The following CDH18 variants were observed in gnomAD, a reference collection of about 807,000 sequenced individuals.
CDH18 encodes cadherin 18.
CDH18 carries 31 observed loss-of-function variants against 67.9 expected under a neutral mutation model. The ratio of observed to expected loss-of-function variants is 0.46; its 90% confidence interval spans 0.34 to 0.62. CDH18 has a LOEUF of 0.62. CDH18 is among the 20% of genes least tolerant of loss of function. The pLI is 0.01. For synonymous variants in CDH18, 362 were observed against 347.2 expected (o/e 1.04, Z -0.48); for missense variants, 890 against 975.5 (o/e 0.91, Z 1.17).
chr5:20,088,216 T>C (rs1745135851), intron 2 of CDH18, among the ~76,000 whole-genome samples: 1 of 152,220 alleles, frequency 6.6e-6, no homozygotes, highest in South Asian at 2.1e-4. Context: ...TGCCAGCCAC[T>C]ATACTTGGTA....
At chr5:19,772,276 C>T (rs1465283544) in intron 3 of CDH18, among the ~76,000 whole-genome samples, 1 of 152,090 alleles carries the variant, frequency 6.6e-6, no homozygotes, top group Non-Finnish European at 1.5e-5. Context: ...GGAGAATAGG[C>T]TTTGCTGATG....
intron 2 of CDH18, among the ~76,000 whole-genome samples, chr5:20,023,446 T>G (rs962593589): frequency 1.3e-5 from 2 of 151,988 alleles, no homozygotes. Context: ...GATCACCAGG[T>G]CAGGAGATCG....
chr5:20,336,525 A>G (rs1167723216), intron 1 of CDH18, among the ~76,000 whole-genome samples: 2 of 151,998 alleles, frequency 1.3e-5, no homozygotes, highest in East Asian at 3.9e-4. Context: ...GATCAAGACC[A>G]TCCTGGCTAA....
intron 3 of CDH18, among the ~76,000 whole-genome samples, chr5:19,807,554 T>C (rs1295397760): frequency 2.6e-5 from 4 of 152,178 alleles, no homozygotes; most frequent in African/African-American, 9.6e-5. Flanking sequence ...TGTAGTTTTC[T>C]CTCTCTCCTC....
intron 2 of CDH18, among the ~76,000 whole-genome samples, chr5:20,089,955 A>G (rs1160241107): frequency 6.6e-6 from 1 of 152,182 alleles, no homozygotes; most frequent in Non-Finnish European, 1.5e-5. Context: ...AACCTGATAC[A>G]TCTAAGCTTT....
intron 1 of CDH18, among the ~76,000 whole-genome samples, chr5:20,555,429 T>C (rs1432963467): frequency 1.9e-4 from 4 of 21,408 alleles, no homozygotes; most frequent in Non-Finnish European, 3.4e-4. Flanking sequence ...TTTTTTTTTT[T>C]TTTTTTTTTT....
intron 1 of CDH18, among the ~76,000 whole-genome samples, chr5:20,489,312 C>T (rs1003319292): frequency 6.6e-6 from 1 of 152,038 alleles, no homozygotes; most frequent in Non-Finnish European, 1.5e-5. Context: ...GACAATAATA[C>T]TACATGTATT....
chr5:19,950,618 A>G (rs2150261680), intron 2 of CDH18, among the ~76,000 whole-genome samples: 1 of 152,290 alleles, frequency 6.6e-6, no homozygotes, highest in African/African-American at 2.4e-5. Context: ...AATATTTTGA[A>G]CCAAATTTTG....
chr5:19,600,065 G>A (rs2150061925), intron 6 of CDH18, among the ~76,000 whole-genome samples: 3 of 152,132 alleles, frequency 2.0e-5, no homozygotes, highest in Middle Eastern at 6.8e-3. Flanking sequence ...TATGGATGAA[G>A]CTGGAAACCA....
intron 2 of CDH18, among the ~76,000 whole-genome samples, chr5:19,964,936 G>A (rs1797281984): frequency 6.6e-6 from 1 of 152,018 alleles, no homozygotes; most frequent in Admixed American, 6.6e-5. Context: ...GCATGATATT[G>A]AAATACTTAA....
chr5:20,404,426 A>G (rs1746048035), intron 1 of CDH18, among the ~76,000 whole-genome samples: 1 of 152,080 alleles, frequency 6.6e-6, no homozygotes, highest in South Asian at 2.1e-4. Flanking sequence ...CCAGCTTGCA[A>G]TTTAAAGACA....
At chr5:20,564,413 G>A (rs1581207455) in intron 1 of CDH18, among the ~76,000 whole-genome samples, 1 of 151,858 alleles carries the variant, frequency 6.6e-6, no homozygotes, top group Non-Finnish European at 1.5e-5. Context: ...GAGTATCTGG[G>A]ACTACAGGCA....
intron 1 of CDH18, among the ~76,000 whole-genome samples, chr5:20,311,660 G>A (rs949563365): frequency 1.1e-4 from 16 of 152,084 alleles, no homozygotes; most frequent in African/African-American, 2.7e-4. Context: ...GGGGGACTAC[G>A]AGAGGGATAG....
chr5:20,107,140 GC>G (rs1321626205), intron 2 of CDH18, among the ~76,000 whole-genome samples: 1 of 151,256 alleles, frequency 6.6e-6, no homozygotes, highest in African/African-American at 2.4e-5. Context: ...GAGTGCAGTG[GC>G]GAGATCTCCT....
rs187651367 is a variant in CDH18 at position 19,998,486 on chromosome 5, T to A, written c.-517-6472A>T. Among the ~76,000 whole-genome samples the A allele has an allele frequency of 3.0e-3, 454 of 152,280 alleles. 3 individuals are homozygous for A. The highest frequency in any genetic ancestry group is 0.01 in the African/African-American group (425 of 41,570). ...GATAATAAATTGATTTGAGGTCACA[T>A]TGACTTTGATAGGACCATTAGATAT... On this transcript the variant is annotated intron_variant, in intron 2 of 14. Transcript: ENST00000507958.
intron 2 of CDH18, among the ~76,000 whole-genome samples, chr5:20,075,294 G>A (rs1160041289): frequency 1.3e-5 from 2 of 152,250 alleles, no homozygotes; most frequent in East Asian, 3.9e-4. Flanking sequence ...CACGAGGTCA[G>A]GAGATCGAGA....
chr5:20,351,160 TTG>T (rs375375615), intron 1 of CDH18, among the ~76,000 whole-genome samples: 3,826 of 131,888 alleles, frequency 0.029, 99 homozygotes, highest in East Asian at 0.12. Flanking sequence ...GTAAATGTAT[TTG>T]TGTGTGTGTG....
At chr5:19,474,684 G>T (rs1738142958) in intron 12 of CDH18, among the ~76,000 whole-genome samples, 1 of 152,044 alleles carries the variant, frequency 6.6e-6, no homozygotes, top group African/African-American at 2.4e-5. Flanking sequence ...CACAGGTAAT[G>T]ATATTTCTAC....
At chr5:19,705,554 A>G (rs1295892835) in intron 5 of CDH18, among the ~76,000 whole-genome samples, 4 of 152,200 alleles carry the variant, frequency 2.6e-5, no homozygotes, top group Admixed American at 6.5e-5. Flanking sequence ...TCAAATAGAT[A>G]AAATAGATCC....
Sources: allele counts gnomAD v4.1 joint callset (sites outside exome capture counted in the v4.1 genomes callset), GRCh38; gene constraint gnomAD v4.1.1; transcripts MANE v1.5; gene names NCBI Gene and HGNC (gene_info 2026-07-23, HGNC 2026-07-21).